Variants in PSD3 observed in about 807,000 individuals in gnomAD.
The protein encoded by PSD3 is PH and SEC7 domain-containing protein 3.
A neutral mutation model predicts 105.5 loss-of-function variants in PSD3; 49 were observed. The observed-to-expected ratio is 0.46, with a 90% CI of 0.37 to 0.59. The LOEUF is 0.59. Ranked by LOEUF, PSD3 falls within the 20% of genes least tolerant of loss-of-function variation. The pLI is 0.00. For missense variants in PSD3, 1,561 were observed against 1,263.8 expected (o/e 1.24, Z -3.57); for synonymous variants, 557 against 457.8 (o/e 1.22, Z -2.77).
intron 15 of PSD3, among the ~76,000 whole-genome samples, chr8:18,555,618 C>T (rs576241531): frequency 6.6e-6 from 1 of 152,266 alleles, no homozygotes; most frequent in East Asian, 1.9e-4. Flanking sequence ...ATACTGTTTT[C>T]AACTTGGGTT....
intron 7 of PSD3, among the ~76,000 whole-genome samples, chr8:18,800,316 A>G (rs1343011454): frequency 6.6e-6 from 1 of 152,226 alleles, no homozygotes; most frequent in African/African-American, 2.4e-5. Flanking sequence ...TGGTCTGAAT[A>G]GCATCAGTTT....
At chr8:19,072,320 C>G (rs559497378) in intron 1 of PSD3, among the ~76,000 whole-genome samples, 1 of 152,026 alleles carries the variant, frequency 6.6e-6, no homozygotes, top group South Asian at 2.1e-4. Flanking sequence ...CTCCTGAGCT[C>G]ACGTGATCCG....
Position 18,721,678 on chromosome 8 carries a change from C to G in PSD3, c.2172+43771G>C, listed in dbSNP as rs111610562. Reference sequence around the variant, plus strand: ...GAACCATACTGCATAAACCGATGATCATTCTGGAATATGTGTCCTATTAAC... The same window carrying G: ...GAACCATACTGCATAAACCGATGATGATTCTGGAATATGTGTCCTATTAAC... On this transcript the variant is annotated intron_variant, in intron 9 of 15. Transcript: ENST00000327040. Among the ~76,000 whole-genome samples, 88 of 152,300 alleles carry G rather than the reference C, an allele frequency of 5.8e-4. 1 individual carries two copies. The highest frequency in any genetic ancestry group is 2.1e-3 in the African/African-American group (87 of 41,574).
At chr8:18,675,174 GAGA>G (rs1425698148) in intron 9 of PSD3, among the ~76,000 whole-genome samples, 1 of 152,070 alleles carries the variant, frequency 6.6e-6, no homozygotes, top group Non-Finnish European at 1.5e-5. Context: ...CTTATGCTGG[GAGA>G]CCTTAGAAGA....
At chr8:18,659,474 A>C (rs1310492152) in intron 9 of PSD3, among the ~76,000 whole-genome samples, 2 of 152,224 alleles carry the variant, frequency 1.3e-5, no homozygotes, top group African/African-American at 4.8e-5. Flanking sequence ...ACTTCTCTCC[A>C]CATTCCATAA....
At chr8:18,720,290 C>T in intron 9 of PSD3, among the ~76,000 whole-genome samples, 1 of 152,198 alleles carries the variant, frequency 6.6e-6, no homozygotes, top group East Asian at 1.9e-4. Context: ...TTCCTGGCAA[C>T]ATGAACCACC....
intron 9 of PSD3, among the ~76,000 whole-genome samples, chr8:18,738,681 C>T (rs1011147780): frequency 6.6e-6 from 1 of 152,134 alleles, no homozygotes; most frequent in African/African-American, 2.4e-5. Context: ...AATAAAGACT[C>T]GTACTAGCCA....
At chr8:18,575,566 A>T (rs1295987037) in intron 12 of PSD3, among the ~76,000 whole-genome samples, 1 of 152,212 alleles carries the variant, frequency 6.6e-6, no homozygotes, top group Non-Finnish European at 1.5e-5. Context: ...ATAGCTAAGT[A>T]AGGCCAAAGG....
At chr8:18,656,328 G>A (rs1808889515) in intron 9 of PSD3, among the ~76,000 whole-genome samples, 1 of 150,084 alleles carries the variant, frequency 6.7e-6, no homozygotes, top group African/African-American at 2.5e-5. Context: ...AAAGTGCTGG[G>A]ATTAGAGGCA....
At chr8:19,070,794 T>G (rs1007248931) in intron 1 of PSD3, among the ~76,000 whole-genome samples, 2 of 152,198 alleles carry the variant, frequency 1.3e-5, no homozygotes, top group Non-Finnish European at 2.9e-5. Context: ...TGACTGATTC[T>G]TTAAATCACT....
At chr8:18,887,148 T>A (rs1174068625) in intron 2 of PSD3, 1 of 152,186 alleles carries the variant, frequency 6.6e-6, no homozygotes, top group African/African-American at 2.4e-5. Context: ...GATGCAAGAA[T>A]GACACATGGG....
chr8:18,791,528 G>A lies in PSD3; in HGVS notation c.2082+7767C>T, dbSNP rs372545390. 2.7e-4 allele frequency among the ~76,000 whole-genome samples: 41 copies of A among 152,266 alleles called. 1 individual carries two copies. In the East Asian group the frequency reaches 6.4e-3, roughly 24 times the overall value. ...TGCTAGAAAAACTGGGTAGCCATACGCAGAAAACTGAAACTGGATCCCTTC... is the reference window on the plus strand; with the variant it reads ...TGCTAGAAAAACTGGGTAGCCATACACAGAAAACTGAAACTGGATCCCTTC... On this transcript the variant is annotated intron_variant, in intron 8 of 15. Transcript: ENST00000327040.
At chr8:18,595,864 T>C (rs540667953) in intron 12 of PSD3, among the ~76,000 whole-genome samples, 21 of 151,910 alleles carry the variant, frequency 1.4e-4, no homozygotes, top group Non-Finnish European at 1.9e-4. Context: ...AGAAGACTAA[T>C]AAAGAAACAG....
At chr8:18,731,923 T>G (rs1803783396) in intron 9 of PSD3, among the ~76,000 whole-genome samples, 1 of 152,194 alleles carries the variant, frequency 6.6e-6, no homozygotes, top group Non-Finnish European at 1.5e-5. Flanking sequence ...GATGCACAGC[T>G]ATTTGAGGAG....
At chr8:18,763,324 AAT>A (rs1806697842) in intron 9 of PSD3, among the ~76,000 whole-genome samples, 1 of 152,236 alleles carries the variant, frequency 6.6e-6, no homozygotes, top group Non-Finnish European at 1.5e-5. Context: ...AAAAAAACTT[AAT>A]GTCACACATG....
intron 9 of PSD3, chr8:18,684,207 CACA>C (rs1391855602): frequency 8.8e-4 from 3 of 3,406 alleles, no homozygotes; most frequent in East Asian, 5.7e-3. Flanking sequence ...CTCTTTTCCA[CACA>C]CACACACACA....
intron 9 of PSD3, among the ~76,000 whole-genome samples, chr8:18,746,899 A>G (rs1384546838): frequency 6.6e-6 from 1 of 152,264 alleles, no homozygotes; most frequent in Non-Finnish European, 1.5e-5. Context: ...TAGCAAATGA[A>G]TAGAAGGGCA....
chr8:18,655,347 A>T (rs1388767828), intron 10 of PSD3, among the ~76,000 whole-genome samples: 1 of 147,230 alleles, frequency 6.8e-6, no homozygotes, highest in African/African-American at 2.5e-5. Context: ...AAAAAAAAAA[A>T]TTAAAAGACA....
intron 4 of PSD3, among the ~76,000 whole-genome samples, chr8:18,813,953 C>T (rs529068068): frequency 2.6e-5 from 4 of 152,246 alleles, no homozygotes; most frequent in South Asian, 4.2e-4. Flanking sequence ...GTTATGATGA[C>T]GTGAGATAAT....
Sources: allele counts gnomAD v4.1 joint callset (sites outside exome capture counted in the v4.1 genomes callset), GRCh38; gene constraint gnomAD v4.1.1; transcripts MANE v1.5; gene names NCBI Gene and HGNC (gene_info 2026-07-23, HGNC 2026-07-21).